TRAPPC8: variants seen among roughly 807,000 people sequenced by gnomAD.
The protein encoded by TRAPPC8 is general sporulation gene 1 homolog.
A neutral mutation model predicts 174.3 loss-of-function variants in TRAPPC8; 54 were observed. That is an observed-to-expected ratio of 0.31 (90% CI 0.25 to 0.39). The LOEUF (loss-of-function observed/expected upper bound fraction) is 0.39. TRAPPC8 is among the 10% of genes least tolerant of loss of function. The pLI is 1.00. For synonymous variants in TRAPPC8, 630 were observed against 579.9 expected (o/e 1.09, Z -1.24); for missense variants, 1,531 against 1,699.1 (o/e 0.90, Z 1.74).
At chr18:31,850,346 A>T (rs942587094) in intron 24 of TRAPPC8, among the ~76,000 whole-genome samples, 2 of 152,224 alleles carry the variant, frequency 1.3e-5, no homozygotes, top group Non-Finnish European at 2.9e-5. Context: ...AGGGAGAATG[A>T]ATGGGTATCA....
chr18:31,900,549 C>T (rs1346870650), intron 10 of TRAPPC8, among the ~76,000 whole-genome samples: 1 of 152,182 alleles, frequency 6.6e-6, no homozygotes, highest in East Asian at 1.9e-4. Context: ...GGTGAGTTCT[C>T]ACTTTTATAG....
At chr18:31,917,714 A>C (rs749630619) in intron 2 of TRAPPC8, 47 bp from the exon 3 acceptor site, 1 of 1,519,248 alleles carries the variant, frequency 6.6e-7, no homozygotes, top group African/African-American at 1.4e-5. Context: ...CAATAGAATC[A>C]GTTTACAACA....
At chr18:31,877,333 C>A (rs1277298378) in intron 12 of TRAPPC8, among the ~76,000 whole-genome samples, 1 of 152,100 alleles carries the variant, frequency 6.6e-6, no homozygotes, top group Non-Finnish European at 1.5e-5. Context: ...GTGAGCCTGG[C>A]CGGGCGCGGT....
rs1239652871 is a variant in TRAPPC8 at position 31,913,436 on chromosome 18, C to T, written c.704G>A (p.Arg235Gln). 1.2e-6 allele frequency: 2 copies of T among 1,610,494 alleles called. No homozygotes were observed. Among genetic ancestry groups the T allele is most frequent in the Middle Eastern group, 1.7e-4 (1 of 5,826 alleles). Residue 235 changes from arginine to glutamine, a missense_variant, in exon 5 of 29, where the codon CGA becomes CAA. Coordinates refer to ENST00000283351, the MANE Select transcript of TRAPPC8 (RefSeq NM_014939.5). Reference sequence around the variant, plus strand: ...ATCTGGTATCTGTTCATCTGATGCTCGATTAGATGTTCGAGAATTAATTTT... The same window carrying T: ...ATCTGGTATCTGTTCATCTGATGCTTGATTAGATGTTCGAGAATTAATTTT... ...LLKINSRTSN[R>Q]ASDEQIPDPW...
rs138348106 is a variant in TRAPPC8, at chr18:31,866,839, T to C, written c.2590+10A>G. On this transcript the variant is annotated intron_variant, in intron 18 of 28. Coordinates refer to ENST00000283351, the MANE Select transcript of TRAPPC8 (RefSeq NM_014939.5). ...GTTTTCTAATTGTTTACCAATGCTA[T>C]AGCCTTTACCTGTGTGACATCCGGG... 5,627 of 1,610,574 alleles carry C rather than the reference T, an allele frequency of 3.5e-3. 93 individuals are homozygous for C. Among genetic ancestry groups the C allele is most frequent in the South Asian group, 0.03 (2,728 of 90,464 alleles).
intron 19 of TRAPPC8, among the ~76,000 whole-genome samples, chr18:31,858,659 A>G (rs2034161222): frequency 6.6e-6 from 1 of 152,162 alleles, no homozygotes. Context: ...ACACACTTCT[A>G]AAAAAAATTT....
At chr18:31,933,439 C>T (rs1176531257) in intron 1 of TRAPPC8, among the ~76,000 whole-genome samples, 5 of 152,086 alleles carry the variant, frequency 3.3e-5, no homozygotes, top group Non-Finnish European at 1.5e-5. Flanking sequence ...GCTTCAAATT[C>T]TTCATCTGCA....
intron 9 of TRAPPC8, among the ~76,000 whole-genome samples, chr18:31,905,439 C>A (rs558720211): frequency 2.0e-5 from 3 of 152,320 alleles, no homozygotes; most frequent in African/African-American, 7.2e-5. Flanking sequence ...CCTTGCACAG[C>A]TCTGGGCTCA....
chr18:31,866,751 A>G (rs2034605795), intron 18 of TRAPPC8, 98 bp downstream of exon 18: 1 of 1,416,772 alleles, frequency 7.1e-7, no homozygotes. Context: ...TTAACGATAC[A>G]TTAAACCTAT....
chr18:31,915,532 C>T (rs1231848120), intron 4 of TRAPPC8, among the ~76,000 whole-genome samples: 1 of 149,758 alleles, frequency 6.7e-6, no homozygotes, highest in African/African-American at 2.5e-5. Context: ...GAGGCCGAGG[C>T]GGGCAGATTA....
rs771640011 is a variant in TRAPPC8, at chr18:31,858,001, ATAT to A, written c.2746-22_2746-20del. 5.8e-6 allele frequency: 9 copies of A among 1,551,400 alleles called. No individual in the cohort carries two copies. Among genetic ancestry groups the A allele is most frequent in the African/African-American group, 2.8e-5 (2 of 72,252 alleles). ...AGAACACCTGCATTGGAGGGAAAAA[ATAT>A]TATTATTTGTCTGTTAAAAATTTTG... On this transcript the variant is annotated intron_variant, in intron 19 of 28. Coordinates refer to ENST00000283351, the MANE Select transcript of TRAPPC8 (RefSeq NM_014939.5).
At chr18:31,895,080 T>C (rs2036128684) in intron 11 of TRAPPC8, among the ~76,000 whole-genome samples, 1 of 152,176 alleles carries the variant, frequency 6.6e-6, no homozygotes, top group South Asian at 2.1e-4. Flanking sequence ...AAATTTGCAG[T>C]ACACAAAGTC....
chr18:31,873,345 A>G, intron 14 of TRAPPC8, 85 bp downstream of exon 14: 1 of 1,138,012 alleles, frequency 8.8e-7, no homozygotes, highest in Non-Finnish European at 1.3e-6. Flanking sequence ...ATATTCAACT[A>G]TACATCGTTT....
intron 12 of TRAPPC8, 38 bp downstream of exon 12, chr18:31,890,697 T>C: frequency 6.3e-7 from 1 of 1,576,124 alleles, no homozygotes; most frequent in Non-Finnish European, 8.6e-7. Context: ...ATTTATAAAA[T>C]AAATAGCAAC....
chr18:31,833,828 C>G (rs894724896), intron 27 of TRAPPC8, among the ~76,000 whole-genome samples: 1 of 151,618 alleles, frequency 6.6e-6, no homozygotes, highest in Admixed American at 6.6e-5. Context: ...ATGGTGAAAC[C>G]CCGTCTTTAC....
rs544297678 is a variant in TRAPPC8, at chr18:31,868,498, C to A, written c.2389-1022G>T. 1.7e-3 allele frequency among the ~76,000 whole-genome samples: 254 copies of A among 152,166 alleles called. 1 individual carries two copies. The highest frequency in any genetic ancestry group is 4.9e-3 in the African/African-American group (205 of 41,518). The stretch of plus-strand genomic sequence containing the variant: ...TAATAAATCTTTTTAAAAAACGTTT[C>A]CAAGTTTAACCGCTCATACTGAGTA... On this transcript the variant is annotated intron_variant, in intron 16 of 28. Coordinates refer to ENST00000283351, the MANE Select transcript of TRAPPC8 (RefSeq NM_014939.5).
chr18:31,867,869 ACT>A (rs984355384), intron 16 of TRAPPC8, among the ~76,000 whole-genome samples: 10 of 152,182 alleles, frequency 6.6e-5, no homozygotes, highest in South Asian at 2.1e-4. Flanking sequence ...ACAGAGCGAG[ACT>A]CTGTTTCAAA....
intron 2 of TRAPPC8, chr18:31,926,473 T>G (rs1050046644): frequency 8.5e-5 from 2 of 23,654 alleles, no homozygotes; most frequent in Non-Finnish European, 1.7e-4. Flanking sequence ...TTTGTTTTGG[T>G]TTTTTTTTTT....
At chr18:31,934,373 G>T (rs554512196) in intron 1 of TRAPPC8, among the ~76,000 whole-genome samples, 1 of 152,142 alleles carries the variant, frequency 6.6e-6, no homozygotes, top group African/African-American at 2.4e-5. Flanking sequence ...TTAGTTCTGG[G>T]TAGTGGGGAG....
Sources: allele counts gnomAD v4.1 joint callset (sites outside exome capture counted in the v4.1 genomes callset), GRCh38; gene constraint gnomAD v4.1.1; transcripts MANE v1.5; gene names NCBI Gene and HGNC (gene_info 2026-07-23, HGNC 2026-07-21).